FAM3D: variants seen among roughly 807,000 people sequenced by gnomAD.
FAM3D encodes FAM3 metabolism regulating signaling molecule D.
A neutral mutation model predicts 29.8 loss-of-function variants in FAM3D; 26 were observed. The observed-to-expected ratio is 0.87, with a 90% CI of 0.64 to 1.21. FAM3D has a LOEUF of 1.21. FAM3D is among the 50% of genes most tolerant of loss of function. The pLI is 0.00. For synonymous variants in FAM3D, 115 were observed against 102.3 expected (o/e 1.12, Z -0.75); for missense variants, 253 against 290.9 (o/e 0.87, Z 0.95).
At chr3:58,636,965 GT>G (rs2066188188) in intron 8 of FAM3D, among the ~76,000 whole-genome samples, 175 bp downstream of exon 8, 1 of 152,162 alleles carries the variant, frequency 6.6e-6, no homozygotes, top group South Asian at 2.1e-4. Context: ...TTTCACTGTG[GT>G]AATGAAGGCT....
intron 1 of FAM3D, among the ~76,000 whole-genome samples, chr3:58,666,136 T>C: frequency 6.6e-6 from 1 of 152,200 alleles, no homozygotes; most frequent in East Asian, 1.9e-4. Flanking sequence ...CTGTTGATCA[T>C]TGGAATGTGT....
chr3:58,634,037 C>A lies in FAM3D; in HGVS notation c.*242G>T. ...AGCCGTCAGCAGTCCCTGACGAAAG[C>A]ACCCCATTCTCTCCACAGACAGCTG... On this transcript the variant is annotated 3_prime_UTR_variant, in exon 10 of 10. Transcript: ENST00000358781. The surrounding 1 kb of genome is among the most constrained non-coding windows in gnomAD (Gnocchi z 4.6). 2.1e-6 allele frequency: 1 copy of A among 478,804 alleles called. No homozygotes were observed. Among genetic ancestry groups the A allele is most frequent in the Non-Finnish European group, 3.7e-6 (1 of 271,444 alleles). 29.7% of individuals were successfully genotyped at this position (478,804 alleles called of 1,614,324 possible).
chr3:58,636,275 G>A lies in FAM3D; in HGVS notation c.585+19C>T, dbSNP rs978498357. The stretch of plus-strand genomic sequence containing the variant: ...CCTCATGCATCCTTCATAGGGCCGG[G>A]TTGTGGCCCAGAACCCACCTGCTCA... On this transcript the variant is annotated intron_variant, in intron 9 of 9. Transcript: ENST00000358781. 6 of 1,611,332 alleles carry A rather than the reference G, an allele frequency of 3.7e-6. No homozygotes were observed. Among genetic ancestry groups the A allele is most frequent in the African/African-American group, 1.3e-5 (1 of 74,824 alleles).
intron 1 of FAM3D, among the ~76,000 whole-genome samples, chr3:58,660,070 T>C (rs1367868003): frequency 1.3e-5 from 2 of 151,894 alleles, no homozygotes; most frequent in Non-Finnish European, 2.9e-5. Flanking sequence ...TGTGCATGAG[T>C]GCGGGAGATG....
intron 1 of FAM3D, among the ~76,000 whole-genome samples, chr3:58,660,591 T>C (rs943243968): frequency 2.0e-5 from 3 of 152,256 alleles, no homozygotes; most frequent in African/African-American, 7.2e-5. Context: ...AAGCCCATTA[T>C]TCCCATTATG....
rs1022313869 is a variant in FAM3D, at chr3:58,635,414, G to A, written c.585+880C>T. On this transcript the variant is annotated intron_variant, in intron 9 of 9. Transcript: ENST00000358781. This position sits in a 1 kb window ranked among gnomAD's most constrained non-coding sequence, Gnocchi z 5.2. ...CCGGCTTAGTCCCATTAGGGTGCTT[G>A]GTTCATTTTTGTGTGTCGGTCCCGG... 2.6e-5 allele frequency among the ~76,000 whole-genome samples: 4 copies of A among 152,182 alleles called. No homozygotes were observed. The highest frequency in any genetic ancestry group is 7.2e-5 in the African/African-American group (3 of 41,458).
At chr3:58,664,092 T>TAAAGC (rs79186509) in intron 1 of FAM3D, among the ~76,000 whole-genome samples, 121,125 of 151,744 alleles carry the variant, frequency 0.8, 49,705 homozygotes, top group Non-Finnish European at 0.9. Flanking sequence ...AAAGCTTCTC[T>TAAAGC]CTACCGTTCA....
chr3:58,649,388 T>G (rs894988919), intron 3 of FAM3D, 50 bp from the exon 4 acceptor site: 2 of 1,610,818 alleles, frequency 1.2e-6, no homozygotes, highest in Non-Finnish European at 1.7e-6. Flanking sequence ...CGGACCCTCC[T>G]GCAGGATGGA....
rs76752946 is a variant in FAM3D, at chr3:58,634,378, G to A, written c.586-10C>T. 1.4e-3 allele frequency: 2,334 copies of A among 1,612,246 alleles called. 34 individuals carry two copies. The African/African-American group carries it at 0.026, about 18-fold the overall frequency. On this transcript the variant is annotated splice_polypyrimidine_tract_variant and intron_variant, in intron 9 of 9. Coordinates refer to ENST00000358781, the MANE Select transcript of FAM3D (RefSeq NM_138805.3). This position sits in a 1 kb window ranked among gnomAD's most constrained non-coding sequence, Gnocchi z 4.6. ...GGCTGTTCTTTAAGAACTAGAGAGA[G>A]AGAAGACAGAGAAATATAGGCAGTG...
At chr3:58,643,750 T>C in intron 5 of FAM3D, 30 bp from the exon 6 acceptor site, 1 of 1,610,644 alleles carries the variant, frequency 6.2e-7, no homozygotes, top group Non-Finnish European at 8.5e-7. Flanking sequence ...AATATGACAG[T>C]CGGTCCCGAG....
intron 6 of FAM3D, among the ~76,000 whole-genome samples, chr3:58,642,742 C>T (rs576580156): frequency 7.9e-5 from 12 of 152,276 alleles, no homozygotes; most frequent in Non-Finnish European, 1.3e-4. Context: ...CCTCCAGCCC[C>T]CCTACTCCAA....
chr3:58,658,495 C>CTGGTAAG, intron 1 of FAM3D, among the ~76,000 whole-genome samples: 1 of 152,220 alleles, frequency 6.6e-6, no homozygotes, highest in East Asian at 1.9e-4. Flanking sequence ...ACTTGCGAGT[C>CTGGTAAG]CCTCTGTCTG....
intron 1 of FAM3D, among the ~76,000 whole-genome samples, chr3:58,661,969 G>A (rs986410623): frequency 2.0e-5 from 3 of 152,184 alleles, no homozygotes; most frequent in Admixed American, 2.0e-4. Flanking sequence ...AAGCCATCTG[G>A]ACAGACATTC....
At chr3:58,647,135 C>T in intron 4 of FAM3D, among the ~76,000 whole-genome samples, 1 of 152,232 alleles carries the variant, frequency 6.6e-6, no homozygotes, top group East Asian at 1.9e-4. Context: ...AGAGGAAATG[C>T]CTGTCCAGGG....
chr3:58,652,903 T>C (rs1344027745), intron 3 of FAM3D, among the ~76,000 whole-genome samples: 1 of 150,930 alleles, frequency 6.6e-6, no homozygotes, highest in East Asian at 2.0e-4. Flanking sequence ...CATCTCTCCA[T>C]CTACCCATCC....
intron 7 of FAM3D, among the ~76,000 whole-genome samples, chr3:58,638,798 A>G (rs929640113): frequency 1.3e-5 from 2 of 152,228 alleles, no homozygotes; most frequent in African/African-American, 4.8e-5. Context: ...GCTCAGTGAC[A>G]GAGGTTTCCG....
intron 1 of FAM3D, among the ~76,000 whole-genome samples, chr3:58,659,833 A>G (rs2066898299): frequency 6.6e-6 from 1 of 152,200 alleles, no homozygotes; most frequent in Non-Finnish European, 1.5e-5. Flanking sequence ...TCTCCGAAGT[A>G]GAAGTCTGCC....
chr3:58,654,832 G>A lies in FAM3D; in HGVS notation c.13+719C>T, dbSNP rs765158748. Among the ~76,000 whole-genome samples the A allele has an allele frequency of 2.0e-5, 3 of 152,288 alleles. No homozygotes were observed. In the East Asian group the frequency reaches 5.8e-4, roughly 29 times the overall value. The stretch of plus-strand genomic sequence containing the variant: ...TCCCTGGTCTTCAATGGCACAGCAC[G>A]GATCTAGGCACCCAGAATTCCTCTT... On this transcript the variant is annotated intron_variant, in intron 2 of 9. Coordinates refer to ENST00000358781, the MANE Select transcript of FAM3D (RefSeq NM_138805.3).
chr3:58,640,286 T>C (rs955958467), intron 6 of FAM3D, 109 bp from the exon 7 acceptor site: 4 of 1,271,914 alleles, frequency 3.1e-6, no homozygotes, highest in Admixed American at 1.7e-5. Context: ...AGAATAAGAA[T>C]CTAATGAAAT....
Sources: allele counts gnomAD v4.1 joint callset (sites outside exome capture counted in the v4.1 genomes callset), GRCh38; gene constraint gnomAD v4.1.1; non-coding constraint Gnocchi (gnomAD v3.1); transcripts MANE v1.5; gene names NCBI Gene and HGNC (gene_info 2026-07-23, HGNC 2026-07-21).